C4orf51: variants seen among roughly 807,000 people sequenced by gnomAD.
The protein encoded by C4orf51 is uncharacterized protein C4orf51.
A neutral mutation model predicts 25.2 loss-of-function variants in C4orf51; 25 were observed. The observed-to-expected ratio is 0.99, with a 90% CI of 0.72 to 1.39. C4orf51 has a LOEUF of 1.39. Ranked by LOEUF, C4orf51 falls within the 40% of genes most tolerant of loss-of-function variation. The pLI is 0.00. For synonymous variants in C4orf51, 100 were observed against 84.5 expected, an observed-to-expected ratio of 1.18 and a Z score of -1.01; for missense variants, 252 against 239.6, an observed-to-expected ratio of 1.05 and a Z score of -0.34.
chr4:145,775,373 A>G (rs1172093052), downstream of C4orf51, among the ~76,000 whole-genome samples: 1 of 152,214 alleles, frequency 6.6e-6, no homozygotes, highest in East Asian at 1.9e-4. Context: ...ATGGGGAAAT[A>G]CGTAACGCCT....
At chr4:145,681,009 C>T (rs963903293) in intron 1 of C4orf51, among the ~76,000 whole-genome samples, 1 of 152,060 alleles carries the variant, frequency 6.6e-6, no homozygotes, top group South Asian at 2.1e-4. Flanking sequence ...TGTTGTGTGT[C>T]TGAAGAGAGC....
intron 1 of C4orf51, among the ~76,000 whole-genome samples, chr4:145,738,589 C>T (rs1250424396): frequency 1.3e-5 from 2 of 151,684 alleles, no homozygotes; most frequent in African/African-American, 4.8e-5. Context: ...TGATACTAAA[C>T]CACAAGACTG....
intron 1 of C4orf51, among the ~76,000 whole-genome samples, chr4:145,768,905 ATATATATAT>A (rs1363827004): frequency 0.017 from 594 of 34,484 alleles, 94 homozygotes; most frequent in African/African-American, 0.043. Flanking sequence ...ATATATATAT[ATATATATAT>A]ATTAGGTATA....
intron 5 of C4orf51, among the ~76,000 whole-genome samples, chr4:145,731,274 G>T (rs1732441521): frequency 6.6e-6 from 1 of 152,176 alleles, no homozygotes; most frequent in African/African-American, 2.4e-5. Context: ...GTCAGTGTCT[G>T]CAGCTGTTCT....
At chr4:145,702,370 C>T (rs978712835) in intron 2 of C4orf51, among the ~76,000 whole-genome samples, 34 of 151,830 alleles carry the variant, frequency 2.2e-4, no homozygotes, top group African/African-American at 7.8e-4. Context: ...CCTTTGCACC[C>T]TTCATCCCAG....
chr4:145,761,235 T>C lies in C4orf51; in HGVS notation n.167-9753T>C, dbSNP rs1734447203. The C allele has an allele frequency of 1.6e-6, 2 of 1,289,660 alleles. No homozygotes were observed. Among genetic ancestry groups the C allele is most frequent in the Non-Finnish European group, 2.0e-6 (2 of 988,866 alleles). The allele number at this position is 1,289,660 out of a possible 1,614,324, so 79.9% of individuals were successfully genotyped here. A position where few individuals can be genotyped will look rare whatever the true frequency, so the allele number is the denominator to read the frequency against. ...CGTGGCGGCTGAAGACGAAAGGGTG[T>C]GTGGTCTTGAACAGGCACTCTTCGC... On this transcript the variant is annotated intron_variant and non_coding_transcript_variant, in intron 1 of 1. Transcript: ENST00000510096. This position sits in a 1 kb window ranked among gnomAD's most constrained non-coding sequence, Gnocchi z 6.8.
At chr4:145,767,768 T>C (rs1735539326) in intron 1 of C4orf51, among the ~76,000 whole-genome samples, 1 of 152,106 alleles carries the variant, frequency 6.6e-6, no homozygotes, top group African/African-American at 2.4e-5. Flanking sequence ...AGTGAAAATA[T>C]ATTTCAAAAA....
In C4orf51 at chr4:145,765,677, C is replaced by G; in HGVS notation, n.167-5311C>G. 1 of 1,614,160 alleles carries G rather than the reference C, an allele frequency of 6.2e-7. No individual in the cohort carries two copies. The highest frequency in any genetic ancestry group is 8.5e-7 in the Non-Finnish European group (1 of 1,180,030). On this transcript the variant is annotated intron_variant and non_coding_transcript_variant, in intron 1 of 1. Coordinates refer to the C4orf51 transcript ENST00000510096. The surrounding 1 kb of genome is among the most constrained non-coding windows in gnomAD (Gnocchi z 4.7). ...CATCTTTGCTGTTGGCTGAATCACT[C>G]AGAGCTGAGAGGGAGGATGAAGAGG...
chr4:145,680,755 T>C (rs1728789245), intron 1 of C4orf51, among the ~76,000 whole-genome samples: 1 of 152,226 alleles, frequency 6.6e-6, no homozygotes, highest in Non-Finnish European at 1.5e-5. Context: ...TCATTTTGTT[T>C]CTTGTTTGGT....
chr4:145,723,365 C>A (rs1328591011), intron 2 of C4orf51, among the ~76,000 whole-genome samples: 1 of 151,826 alleles, frequency 6.6e-6, no homozygotes, highest in African/African-American at 2.4e-5. Flanking sequence ...GTTCACGAAC[C>A]TTCATTTCTA....
At chr4:145,719,532 G>A (rs1260248515) in intron 2 of C4orf51, among the ~76,000 whole-genome samples, 3 of 148,730 alleles carry the variant, frequency 2.0e-5, no homozygotes, top group Non-Finnish European at 3.0e-5. Context: ...GTGAACCCAG[G>A]AGGCAGAGAT....
chr4:145,756,325 T>C (rs1473684717), downstream of C4orf51, among the ~76,000 whole-genome samples: 1 of 152,238 alleles, frequency 6.6e-6, no homozygotes, highest in East Asian at 1.9e-4. Context: ...TATATTTATG[T>C]AGCATGACAG....
chr4:145,688,124 C>CT (rs1166841559), intron 1 of C4orf51, among the ~76,000 whole-genome samples: 2 of 149,768 alleles, frequency 1.3e-5, no homozygotes, highest in East Asian at 3.9e-4. Context: ...TTACTTAAGC[C>CT]TGGGAGATGG....
intron 2 of C4orf51, among the ~76,000 whole-genome samples, chr4:145,712,589 T>G (rs940172290): frequency 1.1e-4 from 17 of 152,210 alleles, no homozygotes; most frequent in African/African-American, 4.1e-4. Flanking sequence ...GAAGAAAAAT[T>G]TGAAGCTAGC....
intron 1 of C4orf51, among the ~76,000 whole-genome samples, chr4:145,750,804 A>G (rs2126809810): frequency 6.6e-6 from 1 of 152,156 alleles, no homozygotes; most frequent in African/African-American, 2.4e-5. Flanking sequence ...CTTTTTTTCT[A>G]GATCTTGTAG....
At position 145,768,763 on chromosome 4, in the gene C4orf51, CAGG is replaced by C. The variant is rs745732989; in HGVS notation, n.167-2222_167-2220del. Among the ~76,000 whole-genome samples the C allele has an allele frequency of 1.5e-4, 20 of 137,816 alleles. No individual in the cohort carries two copies. The East Asian group carries it at 4.6e-3, about 31-fold the overall frequency. 90.4% of individuals were successfully genotyped at this position (137,816 alleles called of 152,430 possible). On this transcript the variant is annotated intron_variant and non_coding_transcript_variant, in intron 1 of 1. Coordinates refer to the C4orf51 transcript ENST00000510096. ...ATCCCAGCTACTTGGGAGGGTGAGG[CAGG>C]AGAATCGCTTGAACCCATGGAGGCG...
Position 145,732,602 on chromosome 4 carries a change from T to G in C4orf51, c.*42T>G. 2 of 1,437,104 alleles carry G rather than the reference T, an allele frequency of 1.4e-6. No homozygotes were observed. The highest frequency in any genetic ancestry group is 2.3e-5 in the East Asian group (1 of 43,130). The allele number at this position is 1,437,104 out of a possible 1,614,324, so 89.0% of individuals were successfully genotyped here. ...ACAAGGCTGGAGGCGTGGAGTTTGC[T>G]TAATAAACAACTTTGAGGTATGGGG... On this transcript the variant is annotated 3_prime_UTR_variant, in exon 6 of 6. Coordinates refer to ENST00000438731, the MANE Select transcript of C4orf51 (RefSeq NM_001080531.3).
intron 1 of C4orf51, among the ~76,000 whole-genome samples, chr4:145,684,168 T>C (rs901398898): frequency 6.6e-6 from 1 of 152,092 alleles, no homozygotes; most frequent in Non-Finnish European, 1.5e-5. Flanking sequence ...GGATACACAG[T>C]TGGCAAATAA....
In C4orf51 at chr4:145,765,744, A is replaced by C. The variant is rs1359642597; in HGVS notation, n.167-5244A>C. The C allele has an allele frequency of 1.9e-6, 3 of 1,612,122 alleles. No homozygotes were observed. In the African/African-American group the frequency reaches 4.0e-5, roughly 22 times the overall value. ...GGGGGTCTTCCTGTCTTCCCCTGAA[A>C]AATAAGCAAATAACCCAGTCTGTTA... On this transcript the variant is annotated intron_variant and non_coding_transcript_variant, in intron 1 of 1. Transcript: ENST00000510096. This position sits in a 1 kb window ranked among gnomAD's most constrained non-coding sequence, Gnocchi z 4.7.
Sources: gnomAD v4.1 joint callset for allele counts (sites outside exome capture counted in the v4.1 genomes callset) on GRCh38, gnomAD v4.1.1 for gene constraint, Gnocchi (gnomAD v3.1) non-coding constraint, MANE v1.5 for transcripts, NCBI Gene and HGNC (gene_info 2026-07-23, HGNC 2026-07-21) for gene names.